Variants in QSER1 observed in about 807,000 individuals in gnomAD.
QSER1 encodes the protein glutamine and serine-rich protein 1.
In QSER1, 49 loss-of-function variants were observed where a neutral mutation model predicts 158.5. The observed-to-expected ratio is 0.31, with a 90% CI of 0.25 to 0.39. The LOEUF (loss-of-function observed/expected upper bound fraction) is 0.39, where lower values mean the gene tolerates loss of function less well. Among genes scored for constraint, QSER1 ranks in the 10% least tolerant of loss-of-function variants. The probability of loss-of-function intolerance (pLI) is 1.00; values close to 1 mark genes in which losing one functional copy is unlikely to be tolerated. For synonymous variants in QSER1, 650 were observed against 715.5 expected, an observed-to-expected ratio of 0.91 and a Z score of 1.46; for missense variants, 1,754 against 2,010.3, an observed-to-expected ratio of 0.87 and a Z score of 2.44.
intron 4 of QSER1, among the ~76,000 whole-genome samples, chr11:32,945,962 T>C (rs1301452653): frequency 1.3e-4 from 19 of 151,718 alleles, no homozygotes; most frequent in African/African-American, 3.9e-4. Context: ...CTCTAAACTT[T>C]CCTTCTCGCT....
In QSER1 at chr11:32,932,666, T is replaced by C; in HGVS notation, c.1408T>C (p.Ser470Pro). Residue 470 changes from serine (S) to proline (P), a missense_variant, in exon 4 of 13, where the codon TCC (serine) becomes CCC (proline). Physicochemically the swap from Ser to Pro is moderately conservative, Grantham distance 74. This residue lies in a region of QSER1 where 1,707 missense variants were observed against 1,919.6 expected (regional missense o/e 0.89). Coordinates refer to ENST00000650167, the MANE Select transcript of QSER1 (RefSeq NM_001076786.3). ...QLPSLLSVSQ[S>P]QNYGLVQPHN... ...ACCAAGCCTTTTATCAGTTAGTCAG[T>C]CCCAAAATTACGGTTTAGTACAGCC... The C allele has an allele frequency of 6.2e-7, 1 of 1,614,200 alleles. No homozygotes were observed. Among genetic ancestry groups the C allele is most frequent in the Non-Finnish European group, 8.5e-7 (1 of 1,180,022 alleles).
intron 8 of QSER1, among the ~76,000 whole-genome samples, chr11:32,961,109 G>A (rs969142877): frequency 1.3e-5 from 2 of 152,090 alleles, no homozygotes; most frequent in African/African-American, 4.8e-5. Flanking sequence ...ACAGTATTTA[G>A]TGAGATAAGT....
Position 32,978,719 on chromosome 11 carries a change from T to C in QSER1, c.*2245T>C, listed in dbSNP as rs1853018406. On this transcript the variant is annotated 3_prime_UTR_variant, in exon 13 of 13. Transcript: ENST00000650167. ...TTTTCATAATATGGGAGGCCAAGTCTATGATACTGCCTCAAAGAGACCCTA... is the reference window on the plus strand; with the variant it reads ...TTTTCATAATATGGGAGGCCAAGTCCATGATACTGCCTCAAAGAGACCCTA... 1 of 152,212 alleles carries C rather than the reference T, an allele frequency of 6.6e-6. No individual in the cohort carries two copies. Among genetic ancestry groups the C allele is most frequent in the South Asian group, 2.1e-4 (1 of 4,836 alleles). 9.4% of individuals were successfully genotyped at this position (152,212 alleles called of 1,614,324 possible). A position where few individuals can be genotyped will look rare whatever the true frequency, so the allele number is the denominator to read the frequency against.
intron 4 of QSER1, among the ~76,000 whole-genome samples, chr11:32,939,535 ACTGTATT>A (rs1265777258): frequency 6.6e-6 from 1 of 152,140 alleles, no homozygotes; most frequent in East Asian, 1.9e-4. Context: ...CATTTTGAGT[ACTGTATT>A]GTAAAACTGT....
rs1406233356 is a variant in QSER1, at chr11:32,977,966, A to C, written c.*1492A>C. On this transcript the variant is annotated 3_prime_UTR_variant, in exon 13 of 13. Coordinates refer to ENST00000650167, the MANE Select transcript of QSER1 (RefSeq NM_001076786.3). ...TTGAGTTAACAGGCCAACTTTTTATACTTAAAACCTCAGTAAACTGGCAAA... is the reference window on the plus strand; with the variant it reads ...TTGAGTTAACAGGCCAACTTTTTATCCTTAAAACCTCAGTAAACTGGCAAA... 6.6e-6 allele frequency: 1 copy of C among 152,628 alleles called. No homozygotes were observed. Among genetic ancestry groups the C allele is most frequent in the Non-Finnish European group, 1.5e-5 (1 of 68,032 alleles). The allele number at this position is 152,628 out of a possible 1,614,324, so 9.5% of individuals were successfully genotyped here.
intron 1 of QSER1, among the ~76,000 whole-genome samples, chr11:32,926,453 G>A (rs1238573096): frequency 6.6e-6 from 1 of 152,030 alleles, no homozygotes; most frequent in East Asian, 1.9e-4. Flanking sequence ...AAGAAAAGTG[G>A]GTATGTGTGT....
At chr11:32,919,046 T>C (rs1851869552) in intron 1 of QSER1, among the ~76,000 whole-genome samples, 1 of 152,258 alleles carries the variant, frequency 6.6e-6, no homozygotes, top group South Asian at 2.1e-4. Context: ...TACAGTATTA[T>C]TAACTAAAGC....
chr11:32,934,605 C>T lies in QSER1; in HGVS notation c.3347C>T (p.Ser1116Phe). 6.2e-7 allele frequency: 1 copy of T among 1,613,586 alleles called. No individual in the cohort carries two copies. The highest frequency in any genetic ancestry group is 8.5e-7 in the Non-Finnish European group (1 of 1,179,952). Residue 1116 changes from serine (S) to phenylalanine (F), a missense_variant, in exon 4 of 13, where the codon TCT (serine) becomes TTT (phenylalanine). Physicochemically the swap from Ser to Phe is radical, Grantham distance 155 (BLOSUM62 -2). Transcript: ENST00000650167. Reference sequence around the variant, plus strand: ...AAACAGTCTGCTACCAATCTTGAATCTGAAGAAGACAGTGAAGCTCCTGTT... The same window carrying T: ...AAACAGTCTGCTACCAATCTTGAATTTGAAGAAGACAGTGAAGCTCCTGTT... ...FKKQSATNLE[S>F]EEDSEAPVDS...
In QSER1 at chr11:32,893,823, G is replaced by A. The variant is rs1235555943; in HGVS notation, c.209+489G>A. 6.6e-6 allele frequency among the ~76,000 whole-genome samples: 1 copy of A among 151,708 alleles called. No homozygotes were observed. The highest frequency in any genetic ancestry group is 1.5e-5 in the Non-Finnish European group (1 of 68,020). On this transcript the variant is annotated intron_variant, in intron 1 of 12. Coordinates refer to ENST00000650167, the MANE Select transcript of QSER1 (RefSeq NM_001076786.3). This position sits in a 1 kb window ranked among gnomAD's most constrained non-coding sequence, Gnocchi z 4.7. Reference sequence around the variant, plus strand: ...CGCGGAACCGCGTCCCGGAGACACTGGGGGGCCCGGGAGGGCTGGGCTACG... The same window carrying A: ...CGCGGAACCGCGTCCCGGAGACACTAGGGGGCCCGGGAGGGCTGGGCTACG...
At chr11:32,931,675 C>T in intron 3 of QSER1, 68 bp from the exon 4 acceptor site, 5 of 1,249,964 alleles carry the variant, frequency 4.0e-6, no homozygotes, top group Non-Finnish European at 5.6e-6. Context: ...TTATGTAAGT[C>T]ATTACTATGA....
Position 32,976,495 on chromosome 11 carries a change from C to T in QSER1, c.*21C>T, listed in dbSNP as rs758242480. ...CCTGACTTTTCCACAAAAATCCCAT[C>T]TTTTTATAGCACTAATGAAATGGCA... On this transcript the variant is annotated 3_prime_UTR_variant, in exon 13 of 13. Coordinates refer to ENST00000650167, the MANE Select transcript of QSER1 (RefSeq NM_001076786.3). 5.6e-6 allele frequency: 9 copies of T among 1,609,358 alleles called. No homozygotes were observed. In the Admixed American group the frequency reaches 1.2e-4, roughly 21 times the overall value.
chr11:32,932,304 G>C lies in QSER1; in HGVS notation c.1046G>C (p.Ser349Thr). Residue 349 changes from serine to threonine, a missense_variant, in exon 4 of 13, where the codon AGT becomes ACT. Physicochemically the swap from Ser to Thr is moderately conservative, Grantham distance 58. Transcript: ENST00000650167. ...TTACATAGTTATCTATCAAATTCAA[G>C]TGTAGTTAATTTTCAGGAAACAACC... Reference protein sequence around the residue: ...HSLHSYLSNSSVVNFQETTRQ... With the variant: ...HSLHSYLSNSTVVNFQETTRQ... The C allele has an allele frequency of 6.2e-7, 1 of 1,613,728 alleles. No individual in the cohort carries two copies. The highest frequency in any genetic ancestry group is 1.1e-5 in the South Asian group (1 of 91,088).
In QSER1 at chr11:32,933,270, C is replaced by T. The variant is rs1852082663; in HGVS notation, c.2012C>T (p.Pro671Leu). 1.9e-6 allele frequency: 3 copies of T among 1,612,346 alleles called. No individual in the cohort carries two copies. Among genetic ancestry groups the T allele is most frequent in the South Asian group, 2.2e-5 (2 of 90,640 alleles). ...CAAAATAACATAACTTCCCCTGACC[C>T]AAAGTCTTATGCTGAAAGAAAGCTT... ...TLQNNITSPDPKSYAERKLDS... is the reference protein window; with the variant it reads ...TLQNNITSPDLKSYAERKLDS... The change falls in exon 4 of 13, where the codon CCA becomes CTA. Residue 671 changes from proline to leucine, a missense_variant. Coordinates refer to ENST00000650167, the MANE Select transcript of QSER1 (RefSeq NM_001076786.3).
At chr11:32,976,148 CT>C (rs1852972977) in intron 12 of QSER1, among the ~76,000 whole-genome samples, 185 bp from the exon 13 acceptor site, 1 of 152,122 alleles carries the variant, frequency 6.6e-6, no homozygotes. Flanking sequence ...GTCTGAAGTA[CT>C]TTTTCTAGCC....
intron 1 of QSER1, among the ~76,000 whole-genome samples, chr11:32,905,009 G>C (rs534310422): frequency 6.6e-6 from 1 of 152,274 alleles, no homozygotes; most frequent in South Asian, 2.1e-4. Flanking sequence ...ATTTAATAAA[G>C]AATATGTTTA....
intron 10 of QSER1, among the ~76,000 whole-genome samples, chr11:32,970,427 T>C (rs892557266): frequency 6.6e-6 from 1 of 152,236 alleles, no homozygotes; most frequent in Non-Finnish European, 1.5e-5. Flanking sequence ...GTTTTTGAGA[T>C]GGAGTCTTGT....
rs1215801299 is a variant in QSER1, at chr11:32,912,970, A to C, written c.210-14187A>C. On this transcript the variant is annotated intron_variant, in intron 1 of 12. Transcript: ENST00000650167. ...CTTGAGAGGCTCTTGATTCCCTTGA[A>C]GATAAAATGTGAGATCCTTATTTTG... Among the ~76,000 whole-genome samples, 5 of 152,226 alleles carry C rather than the reference A, an allele frequency of 3.3e-5. No homozygotes were observed. In the East Asian group the frequency reaches 9.6e-4, roughly 29 times the overall value.
At chr11:32,919,821 A>G (rs1441994391) in intron 1 of QSER1, among the ~76,000 whole-genome samples, 1 of 152,050 alleles carries the variant, frequency 6.6e-6, no homozygotes, top group Non-Finnish European at 1.5e-5. Flanking sequence ...GGACCCATGG[A>G]TATATATTTT....
chr11:32,928,873 T>C (rs1323817603), intron 3 of QSER1, among the ~76,000 whole-genome samples: 1 of 152,156 alleles, frequency 6.6e-6, no homozygotes, highest in South Asian at 2.1e-4. Context: ...AAGGGGATAA[T>C]CAATGATTTG....
Sources: allele counts gnomAD v4.1 joint callset (sites outside exome capture counted in the v4.1 genomes callset), GRCh38; gene constraint gnomAD v4.1.1; regional missense constraint gnomAD v4.1.1; non-coding constraint Gnocchi (gnomAD v3.1); transcripts MANE v1.5; gene names NCBI Gene and HGNC (gene_info 2026-07-23, HGNC 2026-07-21).